CDH13: variants seen among roughly 807,000 people sequenced by gnomAD.
The protein encoded by CDH13 is cadherin 13, also known as cadherin-13.
A neutral mutation model predicts 63.8 loss-of-function variants in CDH13; 24 were observed. The ratio of observed to expected loss-of-function variants is 0.38; its 90% CI spans 0.27 to 0.53. The LOEUF is 0.53. Among genes scored for constraint, CDH13 ranks in the 20% least tolerant of loss-of-function variants. The pLI, the probability that CDH13 is intolerant of heterozygous loss-of-function variation, is 0.85. For synonymous variants in CDH13, 503 were observed against 355.3 expected (o/e 1.42, Z -4.67); for missense variants, 1,049 against 903.1 (o/e 1.16, Z -2.07).
At chr16:82,972,575 C>A (rs983867687) in intron 2 of CDH13, among the ~76,000 whole-genome samples, 3 of 152,186 alleles carry the variant, frequency 2.0e-5, no homozygotes, top group Admixed American at 6.5e-5. Flanking sequence ...GTAGTAACAG[C>A]ACTTCCATCC....
intron 2 of CDH13, among the ~76,000 whole-genome samples, chr16:82,965,833 T>TA (rs1468231972): frequency 2.0e-5 from 3 of 152,174 alleles, no homozygotes; most frequent in Non-Finnish European, 2.9e-5. Context: ...TTTGGAGTAT[T>TA]AGCCCACTGG....
intron 5 of CDH13, among the ~76,000 whole-genome samples, chr16:83,336,870 G>A (rs2090609611): frequency 6.6e-6 from 1 of 152,168 alleles, no homozygotes; most frequent in Non-Finnish European, 1.5e-5. Context: ...GCTTTTAAGA[G>A]CCAGCTTCTG....
intron 10 of CDH13, among the ~76,000 whole-genome samples, chr16:83,701,137 G>C (rs928250521): frequency 5.9e-5 from 9 of 152,136 alleles, no homozygotes; most frequent in Non-Finnish European, 1.3e-4. Context: ...ATTCCTTGCC[G>C]AAGCCAGGGC....
intron 6 of CDH13, among the ~76,000 whole-genome samples, chr16:83,348,054 G>C (rs1294313586): frequency 6.6e-6 from 1 of 152,168 alleles, no homozygotes; most frequent in Non-Finnish European, 1.5e-5. Context: ...GCCGGGTGCG[G>C]TGGTGGGTGC....
chr16:83,370,007 C>G (rs192871528), intron 6 of CDH13, among the ~76,000 whole-genome samples: 2 of 152,226 alleles, frequency 1.3e-5, no homozygotes, highest in Non-Finnish European at 2.9e-5. Flanking sequence ...CCATCTGAAA[C>G]GATCTCCTCC....
chr16:83,584,612 G>T (rs964917572), intron 7 of CDH13, among the ~76,000 whole-genome samples: 2 of 152,212 alleles, frequency 1.3e-5, no homozygotes, highest in Admixed American at 6.5e-5. Flanking sequence ...AAAGGCAAAA[G>T]TGAGTGGACC....
chr16:83,714,394 A>G (rs1330209189), intron 10 of CDH13, among the ~76,000 whole-genome samples: 2 of 152,202 alleles, frequency 1.3e-5, no homozygotes, highest in East Asian at 3.9e-4. Flanking sequence ...ACTGTGAAGC[A>G]TACTTCTGAA....
chr16:83,562,082 T>C (rs1347297140), intron 7 of CDH13, among the ~76,000 whole-genome samples: 1 of 152,154 alleles, frequency 6.6e-6, no homozygotes, highest in African/African-American at 2.4e-5. Flanking sequence ...CCAAGTGTCT[T>C]CCACAGTTTA....
At chr16:83,333,903 A>G (rs956198018) in intron 5 of CDH13, among the ~76,000 whole-genome samples, 2 of 152,202 alleles carry the variant, frequency 1.3e-5, no homozygotes, top group Non-Finnish European at 2.9e-5. Context: ...TGGCTGCTGT[A>G]GTAAATTACC....
chr16:83,234,173 G>T (rs1394185096), intron 5 of CDH13, among the ~76,000 whole-genome samples: 2 of 152,214 alleles, frequency 1.3e-5, no homozygotes, highest in African/African-American at 4.8e-5. Flanking sequence ...CAACACTGGT[G>T]TCTCTGATAG....
chr16:83,420,112 G>A (rs2071672790), intron 6 of CDH13, among the ~76,000 whole-genome samples: 1 of 152,056 alleles, frequency 6.6e-6, no homozygotes, highest in Non-Finnish European at 1.5e-5. Context: ...AAATATAAAA[G>A]AGAAATTCTC....
intron 5 of CDH13, among the ~76,000 whole-genome samples, chr16:83,259,007 A>C (rs1411249431): frequency 6.6e-6 from 1 of 152,190 alleles, no homozygotes; most frequent in Non-Finnish European, 1.5e-5. Flanking sequence ...CTATGTCATA[A>C]ATATCACCCA....
At chr16:83,522,614 G>A (rs1478881628) in intron 7 of CDH13, among the ~76,000 whole-genome samples, 3 of 152,186 alleles carry the variant, frequency 2.0e-5, no homozygotes, top group Non-Finnish European at 2.9e-5. Flanking sequence ...AAGTAATAAA[G>A]CACAGCAAAG....
At chr16:83,041,045 A>G (rs146700039) in intron 3 of CDH13, among the ~76,000 whole-genome samples, 162 of 152,312 alleles carry the variant, frequency 1.1e-3, no homozygotes, top group African/African-American at 3.8e-3. Flanking sequence ...CTAGAGAAGA[A>G]ATTATTTCTA....
chr16:83,141,949 C>T (rs1033358455), intron 4 of CDH13, among the ~76,000 whole-genome samples: 1 of 152,138 alleles, frequency 6.6e-6, no homozygotes, highest in Non-Finnish European at 1.5e-5. Context: ...AGTGTCAGAG[C>T]ACACTGCAGG....
chr16:83,270,985 T>G (rs1023890740), intron 5 of CDH13, among the ~76,000 whole-genome samples: 2 of 150,010 alleles, frequency 1.3e-5, no homozygotes, highest in African/African-American at 4.9e-5. Flanking sequence ...TTCCCTTCTT[T>G]TCTCCCTCTC....
rs544644031 is a variant in CDH13, at chr16:82,629,784, G to C, written c.45+2647G>C. On this transcript the variant is annotated intron_variant, in intron 1 of 13. Transcript: ENST00000567109. ...AACAGTCACCTCTCCTATCCCCTGGGGTGTTTTGGGAAAGTCTGTCCCAGA... is the reference window on the plus strand; with the variant it reads ...AACAGTCACCTCTCCTATCCCCTGGCGTGTTTTGGGAAAGTCTGTCCCAGA... Among the ~76,000 whole-genome samples the C allele has an allele frequency of 3.6e-3, 548 of 152,328 alleles. 5 individuals are homozygous for C. Among genetic ancestry groups the C allele is most frequent in the African/African-American group, 0.013 (530 of 41,560 alleles).
At chr16:83,445,458 T>A (rs2072659342) in intron 6 of CDH13, among the ~76,000 whole-genome samples, 1 of 152,058 alleles carries the variant, frequency 6.6e-6, no homozygotes, top group African/African-American at 2.4e-5. Context: ...TCCTCAGGCT[T>A]CTGGGTCATT....
chr16:83,088,182 C>G (rs1209437410), intron 3 of CDH13, among the ~76,000 whole-genome samples: 1 of 152,188 alleles, frequency 6.6e-6, no homozygotes, highest in Non-Finnish European at 1.5e-5. Context: ...CTTCGAAATT[C>G]CTGCCTGTTT....
Sources: gnomAD v4.1 joint callset for allele counts (sites outside exome capture counted in the v4.1 genomes callset) on GRCh38, gnomAD v4.1.1 for gene constraint, MANE v1.5 for transcripts, NCBI Gene and HGNC (gene_info 2026-07-23, HGNC 2026-07-21) for gene names.